Variants in THSD4 observed in about 807,000 individuals in gnomAD.
The protein encoded by THSD4 is thrombospondin type 1 domain containing 4.
THSD4 carries 69 observed loss-of-function variants against 119.0 expected under a neutral mutation model. The observed-to-expected ratio is 0.58, with a 90% CI of 0.48 to 0.71. The LOEUF is 0.71. Among genes scored for constraint, THSD4 ranks in the 30% least tolerant of loss-of-function variants. THSD4 has a pLI of 0.00. For missense variants in THSD4, 1,393 were observed against 1,391.1 expected (o/e 1.00, Z -0.02); for synonymous variants, 524 against 540.4 (o/e 0.97, Z 0.42).
intron 2 of THSD4, among the ~76,000 whole-genome samples, chr15:71,153,117 G>T (rs1223520416): frequency 6.6e-6 from 1 of 152,098 alleles, no homozygotes; most frequent in African/African-American, 2.4e-5. Flanking sequence ...GGAGAATCAG[G>T]CACCAATCCT....
intron 7 of THSD4, among the ~76,000 whole-genome samples, chr15:71,598,046 G>A (rs146191486): frequency 1.3e-5 from 2 of 152,164 alleles, no homozygotes; most frequent in African/African-American, 2.4e-5. Context: ...AGGCTTTCAG[G>A]GGAACAAGAA....
chr15:71,715,999 A>G (rs1052923886), intron 8 of THSD4, among the ~76,000 whole-genome samples: 2 of 152,176 alleles, frequency 1.3e-5, no homozygotes, highest in African/African-American at 4.8e-5. Flanking sequence ...AAAACAACAG[A>G]AATTCATTCT....
chr15:71,486,862 A>G (rs2047831232), intron 7 of THSD4, among the ~76,000 whole-genome samples: 1 of 151,974 alleles, frequency 6.6e-6, no homozygotes, highest in Non-Finnish European at 1.5e-5. Context: ...TACCTATGAG[A>G]ATATTTTGAA....
chr15:71,269,966 GAA>G (rs1198495506), intron 6 of THSD4, among the ~76,000 whole-genome samples: 2 of 152,128 alleles, frequency 1.3e-5, no homozygotes, highest in African/African-American at 2.4e-5. Context: ...CAAACAAATG[GAA>G]AAACATTCCA....
intron 1 of THSD4, among the ~76,000 whole-genome samples, chr15:71,100,744 C>G (rs2040250831): frequency 1.3e-5 from 2 of 152,070 alleles, no homozygotes; most frequent in Non-Finnish European, 2.9e-5. Context: ...CTTTGGGAGG[C>G]TAAGGTAGAT....
At chr15:71,660,497 A>T in intron 7 of THSD4, 33 bp from the exon 8 acceptor site, 1 of 1,613,160 alleles carries the variant, frequency 6.2e-7, no homozygotes. Context: ...CCTGATACAT[A>T]CTATGAGTCT....
At chr15:71,476,017 C>T (rs902030577) in intron 7 of THSD4, among the ~76,000 whole-genome samples, 1 of 152,162 alleles carries the variant, frequency 6.6e-6, no homozygotes, top group Non-Finnish European at 1.5e-5. Context: ...CTAACTGTGT[C>T]TTTAGGCAAG....
intron 6 of THSD4, among the ~76,000 whole-genome samples, chr15:71,389,810 G>GTTTTTTTT (rs556682631): frequency 0.048 from 4,252 of 87,704 alleles, 822 homozygotes; most frequent in African/African-American, 0.11. Flanking sequence ...TTTCTGGGTT[G>GTTTTTTTT]TTTTTTTTTT....
intron 3 of THSD4, among the ~76,000 whole-genome samples, chr15:71,162,717 C>T (rs1159054189): frequency 1.3e-5 from 2 of 151,986 alleles, no homozygotes. Context: ...AATAGATTTC[C>T]TGTGCCTTTC....
At chr15:71,641,781 A>G (rs1009334147) in intron 7 of THSD4, among the ~76,000 whole-genome samples, 1 of 152,244 alleles carries the variant, frequency 6.6e-6, no homozygotes, top group African/African-American at 2.4e-5. Context: ...TGTTTTCACA[A>G]GAAAACCAAA....
At chr15:71,133,007 A>T (rs1025653978) in intron 1 of THSD4, among the ~76,000 whole-genome samples, 2 of 152,220 alleles carry the variant, frequency 1.3e-5, no homozygotes, top group Admixed American at 1.3e-4. Context: ...ATGGGTCATC[A>T]TCTCGGAGAA....
intron 7 of THSD4, among the ~76,000 whole-genome samples, chr15:71,552,533 A>G (rs1053511039): frequency 6.6e-6 from 1 of 152,238 alleles, no homozygotes; most frequent in Non-Finnish European, 1.5e-5. Flanking sequence ...TTTTTCTAGT[A>G]TCTAAAATAG....
At chr15:71,737,014 C>T (rs544612313) in intron 10 of THSD4, among the ~76,000 whole-genome samples, 4 of 152,318 alleles carry the variant, frequency 2.6e-5, no homozygotes, top group South Asian at 2.1e-4. Context: ...TTCTTCATGT[C>T]GGAACGTTAT....
At chr15:71,408,802 A>C (rs1235418480) in intron 6 of THSD4, among the ~76,000 whole-genome samples, 1 of 152,154 alleles carries the variant, frequency 6.6e-6, no homozygotes, top group Non-Finnish European at 1.5e-5. Flanking sequence ...CAGTGAGCCA[A>C]GAACGCACCA....
intron 7 of THSD4, among the ~76,000 whole-genome samples, chr15:71,629,780 C>T (rs950331086): frequency 3.3e-5 from 5 of 152,154 alleles, no homozygotes; most frequent in Non-Finnish European, 5.9e-5. Context: ...CAAATCCATC[C>T]TATATGTAGC....
chr15:71,437,214 A>G (rs889846946), intron 7 of THSD4, among the ~76,000 whole-genome samples: 1 of 152,204 alleles, frequency 6.6e-6, no homozygotes, highest in African/African-American at 2.4e-5. Flanking sequence ...TGAACTGAGA[A>G]CTCATCACCA....
intron 6 of THSD4, among the ~76,000 whole-genome samples, chr15:71,345,211 T>TGGGGGGGGGGGG (rs2045638271): frequency 3.1e-5 from 1 of 32,278 alleles, no homozygotes; most frequent in Non-Finnish European, 6.0e-5. Context: ...GTTGGGGGGG[T>TGGGGGGGGGGGG]GGGTAGGGGG....
chr15:71,556,350 A>C (rs1218849870), intron 7 of THSD4, among the ~76,000 whole-genome samples: 3 of 150,540 alleles, frequency 2.0e-5, no homozygotes, highest in Admixed American at 6.7e-5. Flanking sequence ...CAAAGGTCTT[A>C]TACATCTTTA....
In THSD4 at chr15:71,377,867, A is replaced by AACACACACACACACAC. The variant is rs376497737; in HGVS notation, c.1016-33788_1016-33773dup. 1.7e-3 allele frequency among the ~76,000 whole-genome samples: 146 copies of AACACACACACACACAC among 86,320 alleles called. 2 individuals carry two copies. The highest frequency in any genetic ancestry group is 5.9e-3 in the African/African-American group (137 of 23,156). 56.6% of individuals were successfully genotyped at this position (86,320 alleles called of 152,430 possible). A position where few individuals can be genotyped will look rare whatever the true frequency, so the allele number is the denominator to read the frequency against. On this transcript the variant is annotated intron_variant, in intron 6 of 17. Transcript: ENST00000261862. Reference sequence around the variant, plus strand: ...CTTCTCTATTCCCGGACATATCCACAACACACACACACACACACACACACA... The same window carrying AACACACACACACACAC: ...CTTCTCTATTCCCGGACATATCCACAACACACACACACACACACACACACACACACACACACACACA...
Sources: allele counts gnomAD v4.1 joint callset (sites outside exome capture counted in the v4.1 genomes callset), GRCh38; gene constraint gnomAD v4.1.1; transcripts MANE v1.5; gene names NCBI Gene and HGNC (gene_info 2026-07-23, HGNC 2026-07-21).